The following ATP6V1H variants were observed in gnomAD, a reference collection of about 807,000 sequenced individuals.
ATP6V1H encodes ATPase H+ transporting V1 subunit H, also known as V-type proton ATPase subunit H.
In ATP6V1H, 39 loss-of-function variants were observed where a neutral mutation model predicts 71.7. That is an observed-to-expected ratio of 0.54 (90% CI 0.42 to 0.71). The LOEUF (loss-of-function observed/expected upper bound fraction) is 0.71, where lower values mean the gene tolerates loss of function less well. ATP6V1H is among the 30% of genes least tolerant of loss of function. The pLI is 0.00. For missense variants in ATP6V1H, 509 were observed against 594.9 expected, an observed-to-expected ratio of 0.86 and a Z score of 1.50; for synonymous variants, 192 against 199.3, an observed-to-expected ratio of 0.96 and a Z score of 0.31.
At chr8:53,777,292 C>A (rs1808925129) in intron 9 of ATP6V1H, among the ~76,000 whole-genome samples, 1 of 151,414 alleles carries the variant, frequency 6.6e-6, no homozygotes, top group African/African-American at 2.4e-5. Context: ...TTCAGAAAAC[C>A]AAATATAGTA....
chr8:53,805,285 A>G lies in ATP6V1H; in HGVS notation c.580-3389T>C, dbSNP rs572396051. On this transcript the variant is annotated intron_variant, in intron 7 of 13. Transcript: ENST00000359530. ...GATTCATGGTGAAAATGCACAGCAC[A>G]TTGGTATCAGTGAACCACAAAGATG... Among the ~76,000 whole-genome samples, 337 of 152,338 alleles carry G rather than the reference A, an allele frequency of 2.2e-3. 2 individuals carry two copies. The highest frequency in any genetic ancestry group is 7.9e-3 in the African/African-American group (327 of 41,588).
At chr8:53,792,224 C>T (rs1809590346) in intron 9 of ATP6V1H, among the ~76,000 whole-genome samples, 1 of 152,176 alleles carries the variant, frequency 6.6e-6, no homozygotes, top group Admixed American at 6.5e-5. Context: ...CCGCATTTGC[C>T]TGTTTCTCAA....
At chr8:53,753,419 G>T (rs183021439) in intron 12 of ATP6V1H, among the ~76,000 whole-genome samples, 1 of 152,192 alleles carries the variant, frequency 6.6e-6, no homozygotes, top group Non-Finnish European at 1.5e-5. Flanking sequence ...GAGACAGTAA[G>T]GCAGGGAGAA....
chr8:53,788,493 CAG>C (rs1388526293), intron 9 of ATP6V1H, among the ~76,000 whole-genome samples: 3 of 152,122 alleles, frequency 2.0e-5, no homozygotes, highest in African/African-American at 4.8e-5. Context: ...ATCCAACTTA[CAG>C]AGATAAAGAG....
At chr8:53,725,520 C>G (rs1207695903) in intron 13 of ATP6V1H, among the ~76,000 whole-genome samples, 1 of 149,370 alleles carries the variant, frequency 6.7e-6, no homozygotes, top group African/African-American at 2.5e-5. Context: ...AGTCTTGACT[C>G]AATTTCCACC....
intron 2 of ATP6V1H, among the ~76,000 whole-genome samples, chr8:53,841,309 T>C (rs1811333281): frequency 6.6e-6 from 1 of 152,136 alleles, no homozygotes; most frequent in African/African-American, 2.4e-5. Flanking sequence ...ACATTCCTCC[T>C]ATGTTTCCCA....
chr8:53,732,794 C>T (rs2130135109), intron 13 of ATP6V1H, among the ~76,000 whole-genome samples: 1 of 152,208 alleles, frequency 6.6e-6, no homozygotes, highest in Non-Finnish European at 1.5e-5. Context: ...ATTCTCCCTC[C>T]ATATGTCCCA....
At chr8:53,803,610 C>T (rs1809984850) in intron 7 of ATP6V1H, among the ~76,000 whole-genome samples, 1 of 151,944 alleles carries the variant, frequency 6.6e-6, no homozygotes, top group Non-Finnish European at 1.5e-5. Flanking sequence ...TCTAATGTAT[C>T]AAGAAAAGGT....
intron 3 of ATP6V1H, among the ~76,000 whole-genome samples, chr8:53,830,298 T>G (rs1264831863): frequency 6.6e-6 from 1 of 152,204 alleles, no homozygotes; most frequent in Non-Finnish European, 1.5e-5. Context: ...TAAATTAAAG[T>G]GTATTTCACT....
intron 12 of ATP6V1H, among the ~76,000 whole-genome samples, chr8:53,746,782 TGAGAA>T (rs1237792951): frequency 2.7e-5 from 4 of 149,750 alleles, no homozygotes; most frequent in Non-Finnish European, 6.0e-5. Context: ...GAAAAAAAGG[TGAGAA>T]AAGAATCTTT....
At chr8:53,838,009 A>G (rs887551778) in intron 2 of ATP6V1H, among the ~76,000 whole-genome samples, 3 of 152,090 alleles carry the variant, frequency 2.0e-5, no homozygotes, top group Non-Finnish European at 4.4e-5. Context: ...AGAGAGCCAC[A>G]CTGAACTACC....
intron 5 of ATP6V1H, among the ~76,000 whole-genome samples, chr8:53,815,018 T>C (rs1810399706): frequency 6.6e-6 from 1 of 152,214 alleles, no homozygotes. Context: ...CCCTGTATTA[T>C]TTTGAGTTTC....
rs375369467 is a variant in ATP6V1H at position 53,815,094 on chromosome 8, C to A, written c.421-328G>T. 6.6e-5 allele frequency among the ~76,000 whole-genome samples: 10 copies of A among 152,270 alleles called. No homozygotes were observed. The East Asian group carries it at 1.7e-3, about 26-fold the overall frequency. ...AGAACACAAAAATCTTTCTTAGAAGCAGACTGTCACCAAACCACTTGCCAG... is the reference window on the plus strand; with the variant it reads ...AGAACACAAAAATCTTTCTTAGAAGAAGACTGTCACCAAACCACTTGCCAG... On this transcript the variant is annotated intron_variant, in intron 5 of 13. Coordinates refer to ENST00000359530, the MANE Select transcript of ATP6V1H (RefSeq NM_015941.4).
At chr8:53,729,138 C>CA (rs1304067099) in intron 13 of ATP6V1H, among the ~76,000 whole-genome samples, 1 of 152,138 alleles carries the variant, frequency 6.6e-6, no homozygotes, top group Non-Finnish European at 1.5e-5. Context: ...CAAACCTCCC[C>CA]ACAACAAACA....
chr8:53,779,220 C>A (rs907061929), intron 9 of ATP6V1H, among the ~76,000 whole-genome samples: 3 of 152,072 alleles, frequency 2.0e-5, no homozygotes, highest in Admixed American at 2.0e-4. Flanking sequence ...CACAACTCCA[C>A]TGGCAAAATA....
chr8:53,715,672 T>G lies in ATP6V1H; in HGVS notation c.*292A>C, dbSNP rs1563432463. Reference sequence around the variant, plus strand: ...TCCAAGTAAAGAGAGAGGCCATGTTTGGAGTGAGAATCCTTTAATAACTAT... The same window carrying G: ...TCCAAGTAAAGAGAGAGGCCATGTTGGGAGTGAGAATCCTTTAATAACTAT... On this transcript the variant is annotated 3_prime_UTR_variant, in exon 14 of 14. Coordinates refer to ENST00000359530, the MANE Select transcript of ATP6V1H (RefSeq NM_015941.4). 6.9e-6 allele frequency: 2 copies of G among 291,420 alleles called. No individual in the cohort carries two copies. Among genetic ancestry groups the G allele is most frequent in the Non-Finnish European group, 1.2e-5 (2 of 160,246 alleles). 18.1% of individuals were successfully genotyped at this position (291,420 alleles called of 1,614,324 possible). A position where few individuals can be genotyped will look rare whatever the true frequency, so the allele number is the denominator to read the frequency against.
intron 5 of ATP6V1H, among the ~76,000 whole-genome samples, chr8:53,816,641 CAA>C (rs1388781498): frequency 3.3e-5 from 5 of 151,994 alleles, no homozygotes; most frequent in African/African-American, 4.8e-5. Flanking sequence ...ACTAAAAATA[CAA>C]AAATTAGATG....
At chr8:53,808,190 G>C (rs776338612) in intron 7 of ATP6V1H, among the ~76,000 whole-genome samples, 1 of 152,170 alleles carries the variant, frequency 6.6e-6, no homozygotes, top group Non-Finnish European at 1.5e-5. Context: ...AGCTAGGGAG[G>C]GGAAAAATGA....
In ATP6V1H at chr8:53,715,709, G is replaced by A. The variant is rs1806400118; in HGVS notation, c.*255C>T. On this transcript the variant is annotated 3_prime_UTR_variant, in exon 14 of 14. Transcript: ENST00000359530. Reference sequence around the variant, plus strand: ...CCTTTAATAACTATATTTATTTCCAGAGAACAATAAATACAGAAATTGCAA... The same window carrying A: ...CCTTTAATAACTATATTTATTTCCAAAGAACAATAAATACAGAAATTGCAA... 2.8e-6 allele frequency: 1 copy of A among 358,304 alleles called. No individual in the cohort carries two copies. Among genetic ancestry groups the A allele is most frequent in the East Asian group, 4.2e-5 (1 of 23,968 alleles). The allele number at this position is 358,304 out of a possible 1,614,324, so 22.2% of individuals were successfully genotyped here. A position where few individuals can be genotyped will look rare whatever the true frequency, so the allele number is the denominator to read the frequency against.
Sources: allele counts gnomAD v4.1 joint callset (sites outside exome capture counted in the v4.1 genomes callset), GRCh38; gene constraint gnomAD v4.1.1; transcripts MANE v1.5; gene names NCBI Gene and HGNC (gene_info 2026-07-23, HGNC 2026-07-21).